Variants in ZNF316 observed in about 807,000 individuals in gnomAD.
ZNF316 encodes zinc finger protein 316.
In ZNF316, 23 loss-of-function variants were observed where a neutral mutation model predicts 75.6. The ratio of observed to expected loss-of-function variants is 0.30; its 90% confidence interval spans 0.22 to 0.43. The LOEUF is 0.43. Ranked by LOEUF, ZNF316 falls within the 20% of genes least tolerant of loss-of-function variation. The pLI is 1.00. For synonymous variants in ZNF316, 827 were observed against 666.2 expected, an observed-to-expected ratio of 1.24 and a Z score of -3.72; for missense variants, 1,266 against 1,409.4, an observed-to-expected ratio of 0.90 and a Z score of 1.63.
In ZNF316 at chr7:6,642,334, T is replaced by G; in HGVS notation, c.-28-48T>G. On this transcript the variant is annotated intron_variant, in intron 4 of 8. Coordinates refer to ENST00000382252, the MANE Select transcript of ZNF316 (RefSeq NM_001278559.2). This position sits in a 1 kb window ranked among gnomAD's most constrained non-coding sequence, Gnocchi z 8.1. ...TGCGGGAGACCCTGTGAGGGGACCGTGTGGTGTGCTGAGAGCAGCCCGTCA... is the reference window on the plus strand; with the variant it reads ...TGCGGGAGACCCTGTGAGGGGACCGGGTGGTGTGCTGAGAGCAGCCCGTCA... The G allele has an allele frequency of 1.0e-6, 1 of 973,252 alleles. No individual in the cohort carries two copies. The highest frequency in any genetic ancestry group is 1.3e-6 in the Non-Finnish European group (1 of 752,316). The allele number at this position is 973,252 out of a possible 1,614,324, so 60.3% of individuals were successfully genotyped here. A position where few individuals can be genotyped will look rare whatever the true frequency, so the allele number is the denominator to read the frequency against.
In ZNF316 at chr7:6,652,215, A is replaced by AG. The variant is rs893702022; in HGVS notation, c.707-87dup. 3 of 1,192,878 alleles carry AG rather than the reference A, an allele frequency of 2.5e-6. No individual in the cohort carries two copies. The African/African-American group carries it at 4.7e-5, about 19-fold the overall frequency. The allele number at this position is 1,192,878 out of a possible 1,614,324, so 73.9% of individuals were successfully genotyped here. A position where few individuals can be genotyped will look rare whatever the true frequency, so the allele number is the denominator to read the frequency against. Reference sequence around the variant, plus strand: ...AAGGTCCTGCTGGTGGCGTCTCGGAAGCCCTGATTTCTCGGGACAGGAACC... The same window carrying AG: ...AAGGTCCTGCTGGTGGCGTCTCGGAAGGCCCTGATTTCTCGGGACAGGAACC... On this transcript the variant is annotated intron_variant, in intron 8 of 8. Coordinates refer to ENST00000382252, the MANE Select transcript of ZNF316 (RefSeq NM_001278559.2).
Position 6,653,544 on chromosome 7 carries a change from T to A in ZNF316, c.1948T>A (p.Cys650Ser), listed in dbSNP as rs1779557670. 8.3e-6 allele frequency: 10 copies of A among 1,203,102 alleles called. No homozygotes were observed. The highest frequency in any genetic ancestry group is 1.0e-5 in the Non-Finnish European group (10 of 970,594). 74.5% of individuals were successfully genotyped at this position (1,203,102 alleles called of 1,614,324 possible). ...CCTGGTGGAGGGTACCGGGCTGGCG[T>A]GCGACCCTTTCGGCGGCGGCGGGGC... ...LSLVEGTGLA[C>S]DPFGGGGAAG... is the part of the protein sequence containing the mutation. The change falls in exon 9 of 9, where the codon TGC becomes AGC. Residue 650 changes from cysteine to serine, a missense_variant. Cys to Ser is a moderately radical substitution (Grantham distance 112, BLOSUM62 -1). Transcript: ENST00000382252.
intron 8 of ZNF316, among the ~76,000 whole-genome samples, chr7:6,651,904 G>C (rs1438880061): frequency 6.6e-6 from 1 of 152,220 alleles, no homozygotes; most frequent in African/African-American, 2.4e-5. Flanking sequence ...TCTCCACCTG[G>C]TTTTCTCAGC....
Position 6,652,471 on chromosome 7 carries a change from A to C in ZNF316, c.875A>C (p.Gln292Pro), listed in dbSNP as rs1320561813. The C allele has an allele frequency of 8.1e-7, 1 of 1,231,516 alleles. No individual in the cohort carries two copies. The highest frequency in any genetic ancestry group is 1.0e-6 in the Non-Finnish European group (1 of 987,748). The allele number at this position is 1,231,516 out of a possible 1,614,324, so 76.3% of individuals were successfully genotyped here. The change falls in exon 9 of 9, where the codon CAG becomes CCG. Residue 292 changes from glutamine to proline, a missense_variant. Gln to Pro is a moderately conservative substitution (Grantham distance 76). Coordinates refer to ENST00000382252, the MANE Select transcript of ZNF316 (RefSeq NM_001278559.2). Reference protein sequence around the residue: ...TWGPDDSDSAQTPEGWGPDPG... With the variant: ...TWGPDDSDSAPTPEGWGPDPG... Reference sequence around the variant, plus strand: ...GGGCCCGACGACTCGGATTCGGCGCAGACTCCAGAGGGGTGGGGACCCGAC... The same window carrying C: ...GGGCCCGACGACTCGGATTCGGCGCCGACTCCAGAGGGGTGGGGACCCGAC...
In ZNF316 at chr7:6,642,784, T is replaced by G. The variant is rs542860601; in HGVS notation, c.355+20T>G. On this transcript the variant is annotated intron_variant, in intron 5 of 8. Transcript: ENST00000382252. This position sits in a 1 kb window ranked among gnomAD's most constrained non-coding sequence, Gnocchi z 8.1. The stretch of plus-strand genomic sequence containing the variant: ...AAAAGGGTAAGAAAAGCAGCCAGCC[T>G]TGGGGAGGAGATGAAGGGGGCTGAG... 1.2e-4 allele frequency: 151 copies of G among 1,233,288 alleles called. 1 individual carries two copies. In the Admixed American group the frequency reaches 1.4e-3, roughly 11 times the overall value. 76.4% of individuals were successfully genotyped at this position (1,233,288 alleles called of 1,614,324 possible). A position where few individuals can be genotyped will look rare whatever the true frequency, so the allele number is the denominator to read the frequency against.
chr7:6,644,687 C>T (rs1779369263), intron 8 of ZNF316, 94 bp downstream of exon 8: 1 of 624,546 alleles, frequency 1.6e-6, no homozygotes, highest in Non-Finnish European at 2.3e-6. Context: ...AGACCTGGTA[C>T]CTGGTGCCTC....
rs760793571 is a variant in ZNF316, at chr7:6,642,864, G to A, written c.355+100G>A. 18 of 1,231,808 alleles carry A rather than the reference G, an allele frequency of 1.5e-5. No individual in the cohort carries two copies. The highest frequency in any genetic ancestry group is 1.7e-5 in the Non-Finnish European group (17 of 987,854). 76.3% of individuals were successfully genotyped at this position (1,231,808 alleles called of 1,614,324 possible). On this transcript the variant is annotated intron_variant, in intron 5 of 8. Coordinates refer to ENST00000382252, the MANE Select transcript of ZNF316 (RefSeq NM_001278559.2). The surrounding 1 kb of genome is among the most constrained non-coding windows in gnomAD (Gnocchi z 8.1). ...AGGAGGGCTCTTGGGCCGACAGGGTGGAGCTGAAACCCAGCTTTGCAATGA... is the reference window on the plus strand; with the variant it reads ...AGGAGGGCTCTTGGGCCGACAGGGTAGAGCTGAAACCCAGCTTTGCAATGA...
In ZNF316 at chr7:6,653,487, C is replaced by T. The variant is rs1583447547; in HGVS notation, c.1891C>T (p.Pro631Ser). The stretch of plus-strand genomic sequence containing the variant: ...AGAGCGGCTGCCGGTCGACGGGCGC[C>T]CGCTCCCGGCGCCCCTGGGGGGCCC... ...FRERLPVDGR[P>S]LPAPLGGPLS... The change falls in exon 9 of 9, where the codon CCG becomes TCG. Residue 631 changes from proline (P) to serine (S), a missense_variant. Physicochemically the swap from Pro to Ser is moderately conservative, Grantham distance 74. Coordinates refer to ENST00000382252, the MANE Select transcript of ZNF316 (RefSeq NM_001278559.2). 91 of 1,222,898 alleles carry T rather than the reference C, an allele frequency of 7.4e-5. No individual in the cohort carries two copies. In the East Asian group the frequency reaches 2.9e-3, roughly 39 times the overall value. The allele number at this position is 1,222,898 out of a possible 1,614,324, so 75.8% of individuals were successfully genotyped here.
Position 6,653,406 on chromosome 7 carries a change from C to T in ZNF316, c.1810C>T (p.Pro604Ser). 8.1e-7 allele frequency: 1 copy of T among 1,227,726 alleles called. No individual in the cohort carries two copies. Among genetic ancestry groups the T allele is most frequent in the Non-Finnish European group, 1.0e-6 (1 of 985,776 alleles). 76.1% of individuals were successfully genotyped at this position (1,227,726 alleles called of 1,614,324 possible). A position where few individuals can be genotyped will look rare whatever the true frequency, so the allele number is the denominator to read the frequency against. Reference sequence around the variant, plus strand: ...GCTGGGCTTCCACTTCCCCGTGCACCCCAAGTCCTGGCTGCACCCGGACAG... The same window carrying T: ...GCTGGGCTTCCACTTCCCCGTGCACTCCAAGTCCTGGCTGCACCCGGACAG... ...HPLGFHFPVHPKSWLHPDSFP... is the reference protein window; with the variant it reads ...HPLGFHFPVHSKSWLHPDSFP... Residue 604 changes from proline to serine, a missense_variant, in exon 9 of 9, where the codon CCC becomes TCC. By Grantham distance (74) the Pro-to-Ser change is moderately conservative. Coordinates refer to ENST00000382252, the MANE Select transcript of ZNF316 (RefSeq NM_001278559.2).
rs1444373329 is a variant in ZNF316, at chr7:6,654,396, A to G, written c.2800A>G (p.Met934Val). The change falls in exon 9 of 9, where the codon ATG becomes GTG. Residue 934 changes from methionine to valine, a missense_variant. Met to Val is a conservative substitution (Grantham distance 21). Transcript: ENST00000382252. Reference sequence around the variant, plus strand: ...GCAGAGCTCGCACTTGCTCACCCACATGAAGACGCACCGCGGAGCCACCGC... The same window carrying G: ...GCAGAGCTCGCACTTGCTCACCCACGTGAAGACGCACCGCGGAGCCACCGC... ...FSQSSHLLTH[M>V]KTHRGATAAP... is the part of the protein sequence containing the mutation. 2 of 1,215,410 alleles carry G rather than the reference A, an allele frequency of 1.6e-6. No individual in the cohort carries two copies. The highest frequency in any genetic ancestry group is 4.3e-5 in the Admixed American group (1 of 23,088). 75.3% of individuals were successfully genotyped at this position (1,215,410 alleles called of 1,614,324 possible). A position where few individuals can be genotyped will look rare whatever the true frequency, so the allele number is the denominator to read the frequency against.
At position 6,642,255 on chromosome 7, in the gene ZNF316, C is replaced by G; in HGVS notation, c.-28-127C>G. On this transcript the variant is annotated intron_variant, in intron 4 of 8. Transcript: ENST00000382252. The surrounding 1 kb of genome is among the most constrained non-coding windows in gnomAD (Gnocchi z 8.1). ...GCCCGGTCCTCCCTCATCTCCATTG[C>G]CTTCAACTACATAACAGGAGGAGTA... 2.4e-6 allele frequency: 1 copy of G among 418,816 alleles called. No individual in the cohort carries two copies. The highest frequency in any genetic ancestry group is 4.1e-6 in the Non-Finnish European group (1 of 245,256). The allele number at this position is 418,816 out of a possible 1,614,324, so 25.9% of individuals were successfully genotyped here. A position where few individuals can be genotyped will look rare whatever the true frequency, so the allele number is the denominator to read the frequency against.
chr7:6,644,068 A>C (rs1779356633), intron 7 of ZNF316, 120 bp downstream of exon 7: 2 of 1,101,358 alleles, frequency 1.8e-6, no homozygotes, highest in Non-Finnish European at 2.3e-6. Context: ...TGCTGGGCCC[A>C]GCCCACCTCC....
rs895707192 is a variant in ZNF316 at position 6,654,851 on chromosome 7, C to A, written c.*240C>A. On this transcript the variant is annotated 3_prime_UTR_variant, in exon 9 of 9. Transcript: ENST00000382252. ...GGAGGCAGCGAGGCCAGGACGTCACCCCCACGGAGACTGCGATATCCCCTG... is the reference window on the plus strand; with the variant it reads ...GGAGGCAGCGAGGCCAGGACGTCACACCCACGGAGACTGCGATATCCCCTG... 3.5e-6 allele frequency: 1 copy of A among 285,494 alleles called. No individual in the cohort carries two copies. The highest frequency in any genetic ancestry group is 6.4e-6 in the Non-Finnish European group (1 of 156,816). 17.7% of individuals were successfully genotyped at this position (285,494 alleles called of 1,614,324 possible).
Position 6,653,195 on chromosome 7 carries a change from G to C in ZNF316, c.1599G>C (p.Thr533=). The C allele has an allele frequency of 8.2e-7, 1 of 1,218,126 alleles. No individual in the cohort carries two copies. Among genetic ancestry groups the C allele is most frequent in the Non-Finnish European group, 1.0e-6 (1 of 979,472 alleles). 75.5% of individuals were successfully genotyped at this position (1,218,126 alleles called of 1,614,324 possible). ...ETAAAAGPED[T]DPGPEGSEVG... is the part of the protein sequence containing the mutation. ...CGGCCGCCGCGGGGCCCGAGGACACGGACCCTGGGCCAGAGGGATCTGAAG... is the reference window on the plus strand; with the variant it reads ...CGGCCGCCGCGGGGCCCGAGGACACCGACCCTGGGCCAGAGGGATCTGAAG... The change falls in exon 9 of 9, where the codon ACG becomes ACC. Residue 533 remains threonine (T), a synonymous_variant. Coordinates refer to ENST00000382252, the MANE Select transcript of ZNF316 (RefSeq NM_001278559.2).
At chr7:6,647,124 G>T (rs1779419441) in intron 8 of ZNF316, among the ~76,000 whole-genome samples, 1 of 152,202 alleles carries the variant, frequency 6.6e-6, no homozygotes, top group Non-Finnish European at 1.5e-5. Flanking sequence ...TGGCCTGGCG[G>T]GCCAGCCCTG....
Position 6,642,235 on chromosome 7 carries a change from G to T in ZNF316, c.-28-147G>T, listed in dbSNP as rs949763838. The T allele has an allele frequency of 2.0e-5, 8 of 406,004 alleles. No homozygotes were observed. Among genetic ancestry groups the T allele is most frequent in the African/African-American group, 1.6e-4 (8 of 48,716 alleles). 25.2% of individuals were successfully genotyped at this position (406,004 alleles called of 1,614,324 possible). On this transcript the variant is annotated intron_variant, in intron 4 of 8. Transcript: ENST00000382252. This position sits in a 1 kb window ranked among gnomAD's most constrained non-coding sequence, Gnocchi z 8.1. ...CAGGGTAAGATCGTGGGAAGGCCCGGTCCTCCCTCATCTCCATTGCCTTCA... is the reference window on the plus strand; with the variant it reads ...CAGGGTAAGATCGTGGGAAGGCCCGTTCCTCCCTCATCTCCATTGCCTTCA...
intron 7 of ZNF316, 136 bp downstream of exon 7, chr7:6,644,084 A>C: frequency 4.1e-6 from 4 of 985,504 alleles, no homozygotes; most frequent in Non-Finnish European, 5.2e-6. Context: ...CCTCCCAGGG[A>C]AGCCCTAGGA....
chr7:6,653,792 G>T lies in ZNF316; in HGVS notation c.2196G>T (p.Ser732=). 9.2e-7 allele frequency: 1 copy of T among 1,081,812 alleles called. No individual in the cohort carries two copies. The highest frequency in any genetic ancestry group is 1.1e-6 in the Non-Finnish European group (1 of 889,588). The allele number at this position is 1,081,812 out of a possible 1,614,324, so 67.0% of individuals were successfully genotyped here. ...GCGGCAAGAGCTTCGTGTACGGCTC[G>T]CACCTGGCGCGCCACCGGCGCACAC... is the stretch of plus-strand genomic sequence containing the variant. ...ADCGKSFVYG[S]HLARHRRTHT... is the part of the protein sequence containing the mutation. The change falls in exon 9 of 9, where the codon TCG becomes TCT. Residue 732 remains serine (S), a synonymous_variant. Transcript: ENST00000382252.
At position 6,653,021 on chromosome 7, in the gene ZNF316, C is replaced by G; in HGVS notation, c.1425C>G (p.His475Gln). ...SFSQSSALAR[H>Q]QAVHTADRPH... ...GCCAGAGCTCGGCGCTGGCACGGCA[C>G]CAGGCGGTGCACACGGCCGACCGCC... The change falls in exon 9 of 9, where the codon CAC becomes CAG. Residue 475 changes from histidine (H) to glutamine (Q), a missense_variant. By Grantham distance (24) the His-to-Gln change is conservative (BLOSUM62 0). Around this residue, in one of 3 missense-constraint regions of ZNF316, gnomAD observed 961 missense variants for 990.9 expected, o/e 0.97. Transcript: ENST00000382252. The G allele has an allele frequency of 1.6e-6, 2 of 1,226,188 alleles. No homozygotes were observed. The highest frequency in any genetic ancestry group is 2.0e-6 in the Non-Finnish European group (2 of 984,150). 76.0% of individuals were successfully genotyped at this position (1,226,188 alleles called of 1,614,324 possible). A position where few individuals can be genotyped will look rare whatever the true frequency, so the allele number is the denominator to read the frequency against.
Sources: allele counts gnomAD v4.1 joint callset (sites outside exome capture counted in the v4.1 genomes callset), GRCh38; gene constraint gnomAD v4.1.1; regional missense constraint gnomAD v4.1.1; non-coding constraint Gnocchi (gnomAD v3.1); transcripts MANE v1.5; gene names NCBI Gene and HGNC (gene_info 2026-07-23, HGNC 2026-07-21).